The following MALRD1 variants were observed in gnomAD, a reference collection of about 807,000 sequenced individuals.
MALRD1 encodes the protein MAM and LDL-receptor class A domain-containing protein 1.
In MALRD1, 247 loss-of-function variants were observed where a neutral mutation model predicts 242.1. The observed-to-expected ratio is 1.02, with a 90% confidence interval of 0.92 to 1.13. MALRD1 has a LOEUF of 1.13. Among genes scored for constraint, MALRD1 ranks in the 50% most tolerant of loss-of-function variants. The pLI, the probability that MALRD1 is intolerant of heterozygous loss-of-function variation, is 0.00. For missense variants in MALRD1, 2,989 were observed against 2,533.1 expected (o/e 1.18, Z -3.86); for synonymous variants, 995 against 866.6 (o/e 1.15, Z -2.60).
At chr10:19,415,392 A>G (rs1833476537) in intron 28 of MALRD1, among the ~76,000 whole-genome samples, 1 of 152,142 alleles carries the variant, frequency 6.6e-6, no homozygotes, top group South Asian at 2.1e-4. Context: ...ATTAGACAAA[A>G]TCAATACTTT....
chr10:19,653,716 G>C (rs564593366), intron 36 of MALRD1, among the ~76,000 whole-genome samples: 5 of 152,136 alleles, frequency 3.3e-5, no homozygotes, highest in South Asian at 2.1e-4. Context: ...AACTTCTTCT[G>C]TAAGCAGGTA....
At chr10:19,695,667 C>T (rs1332592738) in intron 38 of MALRD1, among the ~76,000 whole-genome samples, 2 of 151,974 alleles carry the variant, frequency 1.3e-5, no homozygotes, top group East Asian at 3.9e-4. Context: ...TTACAGGTAC[C>T]TGCCACCATG....
chr10:19,067,221 C>T (rs1835008515), intron 2 of MALRD1, among the ~76,000 whole-genome samples: 2 of 152,058 alleles, frequency 1.3e-5, no homozygotes, highest in Non-Finnish European at 2.9e-5. Context: ...AGTCAAATTA[C>T]TTTTATTTTG....
chr10:19,389,663 A>T (rs1846252775), intron 28 of MALRD1, 54 bp downstream of exon 28: 7 of 1,512,376 alleles, frequency 4.6e-6, no homozygotes, highest in Non-Finnish European at 6.2e-6. Flanking sequence ...TTTTAGAGAC[A>T]GGGTCTTGCT....
chr10:19,253,431 C>T (rs1280303555), intron 18 of MALRD1, among the ~76,000 whole-genome samples: 1 of 151,814 alleles, frequency 6.6e-6, no homozygotes, highest in Non-Finnish European at 1.5e-5. Flanking sequence ...TCGATTTTAT[C>T]CTGTTTAGGT....
chr10:19,148,402 G>A (rs929896504), intron 11 of MALRD1, among the ~76,000 whole-genome samples: 1 of 152,102 alleles, frequency 6.6e-6, no homozygotes, highest in African/African-American at 2.4e-5. Context: ...TCCCTGTGGA[G>A]TTGTCATGAG....
intron 13 of MALRD1, among the ~76,000 whole-genome samples, chr10:19,172,812 C>G (rs906362943): frequency 6.6e-6 from 1 of 151,860 alleles, no homozygotes; most frequent in Non-Finnish European, 1.5e-5. Context: ...TAGAAAAACT[C>G]TTTCAAAAGT....
chr10:19,716,042 G>T (rs1285551677), intron 38 of MALRD1, among the ~76,000 whole-genome samples: 1 of 152,144 alleles, frequency 6.6e-6, no homozygotes, highest in East Asian at 1.9e-4. Context: ...GAGACTTGAA[G>T]GGGACAAAAC....
intron 32 of MALRD1, among the ~76,000 whole-genome samples, chr10:19,552,616 A>G (rs1363435400): frequency 6.6e-6 from 1 of 151,942 alleles, no homozygotes; most frequent in African/African-American, 2.4e-5. Flanking sequence ...ACTATCTCTC[A>G]CAACAGTACG....
intron 5 of MALRD1, among the ~76,000 whole-genome samples, chr10:19,119,645 A>G (rs1836992988): frequency 6.6e-6 from 1 of 152,120 alleles, no homozygotes; most frequent in Admixed American, 6.5e-5. Flanking sequence ...TATGTCAAGC[A>G]CTGATCTTAG....
intron 21 of MALRD1, among the ~76,000 whole-genome samples, chr10:19,296,614 A>T (rs1251829099): frequency 6.6e-6 from 1 of 152,132 alleles, no homozygotes; most frequent in African/African-American, 2.4e-5. Flanking sequence ...TACTATAAAG[A>T]ACTGCACTAT....
intron 14 of MALRD1, among the ~76,000 whole-genome samples, chr10:19,184,881 G>A (rs1424910438): frequency 6.6e-6 from 1 of 152,072 alleles, no homozygotes; most frequent in Non-Finnish European, 1.5e-5. Flanking sequence ...AACACATTTT[G>A]CCAAATGTTT....
chr10:19,184,150 C>G (rs761388738), intron 14 of MALRD1, among the ~76,000 whole-genome samples: 2 of 152,264 alleles, frequency 1.3e-5, no homozygotes, highest in South Asian at 2.1e-4. Context: ...AAGTTCAATG[C>G]CAGGGTGGAT....
At chr10:19,554,352 G>A (rs1303964733) in intron 32 of MALRD1, among the ~76,000 whole-genome samples, 2 of 151,966 alleles carry the variant, frequency 1.3e-5, no homozygotes, top group African/African-American at 4.8e-5. Context: ...GGAGGGAGGA[G>A]GAGGTGCCAA....
intron 10 of MALRD1, among the ~76,000 whole-genome samples, chr10:19,143,384 A>G (rs1451769491): frequency 2.6e-5 from 4 of 152,178 alleles, no homozygotes; most frequent in Non-Finnish European, 4.4e-5. Context: ...ATTTCACACC[A>G]TTGCCTTGTT....
intron 1 of MALRD1, among the ~76,000 whole-genome samples, chr10:19,054,015 T>G (rs2131205654): frequency 6.6e-6 from 1 of 152,256 alleles, no homozygotes; most frequent in African/African-American, 2.4e-5. Flanking sequence ...TAATAACTGT[T>G]TGGGTCTAGT....
intron 5 of MALRD1, among the ~76,000 whole-genome samples, chr10:19,111,142 G>A (rs879586232): frequency 9.4e-4 from 101 of 107,674 alleles, no homozygotes; most frequent in Non-Finnish European, 1.5e-3. Context: ...CAAGTAGATG[G>A]GCCATCATAT....
chr10:19,548,933 C>T (rs1835365049), intron 32 of MALRD1, among the ~76,000 whole-genome samples: 1 of 152,192 alleles, frequency 6.6e-6, no homozygotes, highest in Admixed American at 6.5e-5. Flanking sequence ...TTGCTCCAAA[C>T]AGCTAGTCAA....
At chr10:19,684,601 C>A (rs971346114) in intron 36 of MALRD1, among the ~76,000 whole-genome samples, 4 of 151,998 alleles carry the variant, frequency 2.6e-5, no homozygotes, top group African/African-American at 9.7e-5. Flanking sequence ...ACTAAAAATA[C>A]AAAAATTAGG....
Sources: gnomAD v4.1 joint callset for allele counts (sites outside exome capture counted in the v4.1 genomes callset) on GRCh38, gnomAD v4.1.1 for gene constraint, MANE v1.5 for transcripts, NCBI Gene and HGNC (gene_info 2026-07-23, HGNC 2026-07-21) for gene names.